LPIN2: variants seen among roughly 807,000 people sequenced by gnomAD.
LPIN2 encodes the protein lipin 2.
Under a neutral mutation model 111.4 loss-of-function variants are expected in LPIN2, and 55 were observed. That is an observed-to-expected ratio of 0.49 (90% confidence interval 0.40 to 0.62). The LOEUF (loss-of-function observed/expected upper bound fraction) is 0.62. Among genes scored for constraint, LPIN2 ranks in the 20% least tolerant of loss-of-function variants. The probability of loss-of-function intolerance (pLI) is 0.00; values close to 1 mark genes in which losing one functional copy is unlikely to be tolerated. For synonymous variants in LPIN2, 425 were observed against 414.0 expected (o/e 1.03, Z -0.32); for missense variants, 992 against 1,112.1 (o/e 0.89, Z 1.54).
intron 1 of LPIN2, among the ~76,000 whole-genome samples, chr18:3,000,590 T>A (rs145207484): frequency 1.5e-3 from 229 of 152,378 alleles, no homozygotes; most frequent in Middle Eastern, 6.8e-3. Context: ...TAGTGCCAGC[T>A]ACTTCCCCAA....
intron 1 of LPIN2, among the ~76,000 whole-genome samples, chr18:3,005,469 G>C (rs548774798): frequency 4.5e-3 from 688 of 152,278 alleles, no homozygotes; most frequent in Non-Finnish European, 7.6e-3. Flanking sequence ...CTTGAGCCCA[G>C]AAGTTTCAGA....
At chr18:2,942,258 G>C (rs1409447600) in intron 4 of LPIN2, among the ~76,000 whole-genome samples, 1 of 152,094 alleles carries the variant, frequency 6.6e-6, no homozygotes, top group Non-Finnish European at 1.5e-5. Flanking sequence ...CATTGAAGGG[G>C]AGAAAACATA....
intron 1 of LPIN2, among the ~76,000 whole-genome samples, chr18:2,997,849 C>T (rs1323747204): frequency 6.6e-6 from 1 of 152,206 alleles, no homozygotes; most frequent in African/African-American, 2.4e-5. Context: ...GATGCAGTCC[C>T]CCAGCTTCCC....
chr18:2,931,932 T>C (rs547507007), intron 8 of LPIN2, among the ~76,000 whole-genome samples: 1 of 152,288 alleles, frequency 6.6e-6, no homozygotes, highest in East Asian at 1.9e-4. Flanking sequence ...CTTTTCTAAG[T>C]TCGCCTATTA....
intron 1 of LPIN2, among the ~76,000 whole-genome samples, chr18:2,992,778 T>TG (rs1467202553): frequency 6.6e-6 from 1 of 151,832 alleles, no homozygotes; most frequent in African/African-American, 2.4e-5. Context: ...GGTCAGGAGA[T>TG]GGAGACCGTC....
chr18:2,987,916 G>A (rs1202749938), intron 1 of LPIN2, among the ~76,000 whole-genome samples: 2 of 145,174 alleles, frequency 1.4e-5, no homozygotes, highest in Non-Finnish European at 3.0e-5. Flanking sequence ...GCTCACGCCT[G>A]TAATCCCAGC....
At chr18:2,966,965 T>C (rs1247401506) in intron 1 of LPIN2, 1 of 152,122 alleles carries the variant, frequency 6.6e-6, no homozygotes, top group East Asian at 1.9e-4. Context: ...CAGGACACTG[T>C]TACCTAGGAT....
intron 4 of LPIN2, among the ~76,000 whole-genome samples, chr18:2,943,861 T>C (rs974274713): frequency 9.9e-5 from 15 of 152,238 alleles, no homozygotes; most frequent in Non-Finnish European, 1.9e-4. Flanking sequence ...TTAACAATTA[T>C]ATTAACTACA....
At chr18:2,945,733 C>T in intron 4 of LPIN2, 2 of 1,218,884 alleles carry the variant, frequency 1.6e-6, no homozygotes, top group Non-Finnish European at 2.4e-6. Flanking sequence ...TTCTCTCCTT[C>T]AAATACAATA....
Position 2,923,757 on chromosome 18 carries a change from C to CAT in LPIN2, c.2174+17_2174+18insAT, listed in dbSNP as rs368009098. On this transcript the variant is annotated intron_variant, in intron 16 of 19. Coordinates refer to ENST00000677752, the MANE Select transcript of LPIN2 (RefSeq NM_001375808.2). ...CTTCCAGCTCACCAGAGCGAGTTAA[C>CAT]GTGGGGAGGGTACCTACTCATTGAT... The CAT allele has an allele frequency of 7.6e-4, 1,227 of 1,606,426 alleles. 11 individuals are homozygous for CAT. The African/African-American group carries it at 0.015, about 19-fold the overall frequency.
chr18:2,927,575 C>T (rs759786402), intron 12 of LPIN2, 147 bp downstream of exon 12: 65 of 753,138 alleles, frequency 8.6e-5, no homozygotes, highest in South Asian at 3.3e-4. Context: ...AACACCTGCA[C>T]GTCCTAAGTG....
At chr18:2,938,674 G>C (rs1268213348) in intron 6 of LPIN2, among the ~76,000 whole-genome samples, 1 of 152,140 alleles carries the variant, frequency 6.6e-6, no homozygotes, top group African/African-American at 2.4e-5. Flanking sequence ...ACCACATCAA[G>C]GCTCTGTTAA....
intron 1 of LPIN2, among the ~76,000 whole-genome samples, chr18:2,965,608 T>C (rs774292500): frequency 1.1e-4 from 16 of 151,864 alleles, no homozygotes; most frequent in Non-Finnish European, 2.1e-4. Context: ...CACATGCCTG[T>C]AGCCCCAGCT....
At chr18:2,974,841 T>A (rs117724251) in intron 1 of LPIN2, among the ~76,000 whole-genome samples, 1,768 of 152,216 alleles carry the variant, frequency 0.012, 15 homozygotes, top group Non-Finnish European at 0.015. Context: ...AGAATTTTTT[T>A]AAAAAGTAGT....
Position 2,939,585 on chromosome 18 carries a change from C to T in LPIN2, c.717G>A (p.Ala239=), listed in dbSNP as rs146368213. The T allele has an allele frequency of 2.2e-5, 36 of 1,613,576 alleles. No individual in the cohort carries two copies. Among genetic ancestry groups the T allele is most frequent in the Admixed American group, 6.7e-5 (4 of 60,006 alleles). The part of the protein sequence containing the change: ...SPLETTYPQT[A]CPKSDSELEV... ...CCAGCTCTGAATCACTCTTAGGACA[C>T]GCTGTCTGGGGATAGGTGCTGCAAA... The change falls in exon 6 of 20, where the codon GCG becomes GCA. Residue 239 remains alanine, a synonymous_variant. Transcript: ENST00000677752.
intron 2 of LPIN2, among the ~76,000 whole-genome samples, chr18:2,960,215 T>C (rs1353455410): frequency 1.3e-5 from 2 of 150,548 alleles, no homozygotes; most frequent in Admixed American, 6.6e-5. Context: ...TGTGTGTGTG[T>C]GTGTTCTTGA....
chr18:2,934,453 G>A lies in LPIN2; in HGVS notation c.1169-3C>T, dbSNP rs200259086. On this transcript the variant is annotated splice_region_variant and splice_polypyrimidine_tract_variant and intron_variant, in intron 7 of 19. Coordinates refer to ENST00000677752, the MANE Select transcript of LPIN2 (RefSeq NM_001375808.2). Reference sequence around the variant, plus strand: ...GTGTTGGCTTCTTTTGTGAACACCTGTTTAAAAAAAAAATCAGAGGTAAGA... The same window carrying A: ...GTGTTGGCTTCTTTTGTGAACACCTATTTAAAAAAAAAATCAGAGGTAAGA... 2.9e-4 allele frequency: 461 copies of A among 1,588,576 alleles called. 1 individual carries two copies. The highest frequency in any genetic ancestry group is 9.5e-4 in the South Asian group (86 of 90,420).
Position 2,940,714 on chromosome 18 carries a change from T to C in LPIN2, c.591-2A>G, listed in dbSNP as rs2077356547. On this transcript the variant is annotated splice_acceptor_variant, in intron 4 of 19. Coordinates refer to ENST00000677752, the MANE Select transcript of LPIN2 (RefSeq NM_001375808.2). LOFTEE classifies it high-confidence loss of function. ...TTCAAGGAAGCATTTGAAGATCCTC[T>C]GTGAAGGAGAAACCAAAGAAAGGCA... is the stretch of plus-strand genomic sequence containing the variant. 2.5e-6 allele frequency: 4 copies of C among 1,585,066 alleles called. No individual in the cohort carries two copies. The highest frequency in any genetic ancestry group is 3.5e-6 in the Non-Finnish European group (4 of 1,154,488).
Position 2,922,219 on chromosome 18 carries a change from G to C in LPIN2, c.2175-20C>G. ...CCATTCCTGAAAGAAAACACACCCT[G>C]TTAGCCCACATGTTCTGGCTAAGGG... On this transcript the variant is annotated intron_variant, in intron 16 of 19. Coordinates refer to ENST00000677752, the MANE Select transcript of LPIN2 (RefSeq NM_001375808.2). 6.2e-7 allele frequency: 1 copy of C among 1,612,902 alleles called. No individual in the cohort carries two copies. Among genetic ancestry groups the C allele is most frequent in the Non-Finnish European group, 8.5e-7 (1 of 1,179,428 alleles).
Sources: gnomAD v4.1 joint callset for allele counts (sites outside exome capture counted in the v4.1 genomes callset) on GRCh38, gnomAD v4.1.1 for gene constraint, MANE v1.5 for transcripts, NCBI Gene and HGNC (gene_info 2026-07-23, HGNC 2026-07-21) for gene names.